The following ELN variants were observed in gnomAD, a reference collection of about 807,000 sequenced individuals.
ELN encodes tropoelastin.
Under a neutral mutation model 105.8 loss-of-function variants are expected in ELN, and 65 were observed. The observed-to-expected ratio is 0.61, with a 90% confidence interval of 0.50 to 0.75. The LOEUF is 0.75. Among genes scored for constraint, ELN ranks in the 30% least tolerant of loss-of-function variants. ELN has a pLI of 0.00. For missense variants in ELN, 882 were observed against 969.4 expected (o/e 0.91, Z 1.20); for synonymous variants, 368 against 389.2 (o/e 0.95, Z 0.64).
intron 5 of ELN, among the ~76,000 whole-genome samples, chr7:74,042,079 C>G (rs1013181598): frequency 6.6e-6 from 1 of 151,806 alleles, no homozygotes; most frequent in Non-Finnish European, 1.5e-5. Flanking sequence ...AAAAAAGAGC[C>G]ATGCAGTTTT....
chr7:74,058,300 TTCTTC>T (rs1425773133), intron 22 of ELN, among the ~76,000 whole-genome samples: 4 of 151,398 alleles, frequency 2.6e-5, no homozygotes, highest in Non-Finnish European at 5.9e-5. Flanking sequence ...TTTCTCCTCC[TTCTTC>T]TCTTCTCTTC....
At chr7:74,052,195 A>T in intron 17 of ELN, 1 of 615,466 alleles carries the variant, frequency 1.6e-6, no homozygotes, top group Non-Finnish European at 2.8e-6. Flanking sequence ...GGGACCCTGC[A>T]GAGGGGACAT....
intron 26 of ELN, 137 bp downstream of exon 26, chr7:74,061,276 G>C: frequency 9.3e-7 from 1 of 1,076,902 alleles, no homozygotes; most frequent in Non-Finnish European, 1.4e-6. Flanking sequence ...CAGCACTTTG[G>C]GAGGCCGAGG....
At chr7:74,051,137 G>A (rs908724826) in intron 15 of ELN, among the ~76,000 whole-genome samples, 2 of 152,142 alleles carry the variant, frequency 1.3e-5, no homozygotes, top group Admixed American at 1.3e-4. Flanking sequence ...CCACCTCAGG[G>A]TCAGACCACT....
At chr7:74,044,167 G>A (rs1276048290) in intron 9 of ELN, among the ~76,000 whole-genome samples, 1 of 152,148 alleles carries the variant, frequency 6.6e-6, no homozygotes, top group Non-Finnish European at 1.5e-5. Context: ...CTTGAGCCCA[G>A]AAGGTCCAGG....
intron 4 of ELN, among the ~76,000 whole-genome samples, chr7:74,039,567 G>A (rs545218044): frequency 1.3e-5 from 2 of 152,332 alleles, no homozygotes; most frequent in South Asian, 2.1e-4. Context: ...CCACGTGGGC[G>A]CCACCACAGG....
chr7:74,048,701 C>A (rs1256865211), intron 15 of ELN, 145 bp downstream of exon 15: 2 of 876,994 alleles, frequency 2.3e-6, no homozygotes, highest in Non-Finnish European at 3.6e-6. Flanking sequence ...ATCTATCCCT[C>A]CCTCCAACCA....
chr7:74,031,865 G>GAAGGA, intron 1 of ELN, among the ~76,000 whole-genome samples: 1 of 109,874 alleles, frequency 9.1e-6, no homozygotes, highest in Non-Finnish European at 2.0e-5. Context: ...AGGAAAGAAG[G>GAAGGA]AAGGAAGGAA....
intron 15 of ELN, among the ~76,000 whole-genome samples, chr7:74,050,605 GCATT>G (rs111893691): frequency 0.072 from 10,823 of 150,694 alleles, 483 homozygotes; most frequent in African/African-American, 0.12. Context: ...ATTCACCCAT[GCATT>G]CATTCATTCA....
chr7:74,064,998 T>C (rs1309071341), intron 29 of ELN, among the ~76,000 whole-genome samples: 1 of 152,044 alleles, frequency 6.6e-6, no homozygotes, highest in Non-Finnish European at 1.5e-5. Context: ...CCCAACACTT[T>C]GGGAGGCTTA....
intron 2 of ELN, 67 bp downstream of exon 2, chr7:74,035,481 C>T (rs548437700): frequency 2.5e-6 from 4 of 1,575,462 alleles, no homozygotes; most frequent in Admixed American, 3.4e-5. Flanking sequence ...AATAGATGCA[C>T]ATTTTGACAC....
chr7:74,063,463 C>T lies in ELN; in HGVS notation c.1918+94C>T. On this transcript the variant is annotated intron_variant, in intron 28 of 32. Transcript: ENST00000252034. The surrounding 1 kb of genome is among the most constrained non-coding windows in gnomAD (Gnocchi z 4.1). ...GACCAGGCACTGTAGACTCAGAGTC[C>T]CTGCCCCAGACACCTCCTGGCTCCA... The T allele has an allele frequency of 1.3e-6, 2 of 1,584,088 alleles. No individual in the cohort carries two copies. Among genetic ancestry groups the T allele is most frequent in the Admixed American group, 3.6e-5 (2 of 55,064 alleles).
intron 9 of ELN, among the ~76,000 whole-genome samples, chr7:74,044,797 G>C (rs1554670982): frequency 6.6e-6 from 1 of 152,226 alleles, no homozygotes; most frequent in African/African-American, 2.4e-5. Context: ...ACGCTGGCAT[G>C]GTCCCAGCTG....
At chr7:74,060,924 G>A (rs1286634358) in intron 25 of ELN, among the ~76,000 whole-genome samples, 177 bp from the exon 26 acceptor site, 4 of 152,216 alleles carry the variant, frequency 2.6e-5, no homozygotes, top group Non-Finnish European at 5.9e-5. Flanking sequence ...AGAAGGAAGG[G>A]GCAGACGGAA....
chr7:74,048,229 C>T (rs782124458), intron 14 of ELN, 28 bp downstream of exon 14: 1 of 1,613,872 alleles, frequency 6.2e-7, no homozygotes. Context: ...TCACTTCCAG[C>T]CAAGGGAGCA....
intron 6 of ELN, 136 bp from the exon 7 acceptor site, chr7:74,042,848 C>A (rs1223464241): frequency 3.9e-6 from 6 of 1,540,240 alleles, no homozygotes; most frequent in African/African-American, 1.4e-5. Flanking sequence ...CTCAGGGAGG[C>A]AGCTAGCTGT....
intron 1 of ELN, among the ~76,000 whole-genome samples, chr7:74,033,272 T>C (rs1045621923): frequency 1.3e-5 from 2 of 152,212 alleles, no homozygotes; most frequent in Non-Finnish European, 2.9e-5. Context: ...CACTGTTCCC[T>C]GCAGTCTGCT....
At position 74,069,739 on chromosome 7, in the gene ELN, G is replaced by GA. The variant is rs200584164; in HGVS notation, c.*1048dup. 85 of 224,636 alleles carry GA rather than the reference G, an allele frequency of 3.8e-4. No individual in the cohort carries two copies. The highest frequency in any genetic ancestry group is 5.4e-4 in the Non-Finnish European group (62 of 113,762). 13.9% of individuals were successfully genotyped at this position (224,636 alleles called of 1,614,324 possible). ...TTTGGTTTTATTGTTGTGGTTCATT[G>GA]AAAAAAAAAGATAATTTTTTTTTCT... On this transcript the variant is annotated 3_prime_UTR_variant, in exon 33 of 33. Transcript: ENST00000252034.
intron 2 of ELN, 26 bp from the exon 3 acceptor site, chr7:74,036,529 C>A (rs373382261): frequency 1.3e-4 from 203 of 1,613,446 alleles, no homozygotes; most frequent in Non-Finnish European, 1.6e-4. Flanking sequence ...CCGATGATCT[C>A]TCTTTCTCTT....
Sources: gnomAD v4.1 joint callset for allele counts (sites outside exome capture counted in the v4.1 genomes callset) on GRCh38, gnomAD v4.1.1 for gene constraint, Gnocchi (gnomAD v3.1) non-coding constraint, MANE v1.5 for transcripts, NCBI Gene and HGNC (gene_info 2026-07-23, HGNC 2026-07-21) for gene names.